The following IMMP2L variants were observed in gnomAD, a reference collection of about 807,000 sequenced individuals.
The protein encoded by IMMP2L is mitochondrial inner membrane protease subunit 2.
A neutral mutation model predicts 19.3 loss-of-function variants in IMMP2L; 18 were observed. The ratio of observed to expected loss-of-function variants is 0.93; its 90% CI spans 0.64 to 1.38. The LOEUF (loss-of-function observed/expected upper bound fraction) is 1.38. Ranked by LOEUF, IMMP2L falls within the 40% of genes most tolerant of loss-of-function variation. The pLI, the probability that IMMP2L is intolerant of heterozygous loss-of-function variation, is 0.00. For synonymous variants in IMMP2L, 76 were observed against 73.0 expected (o/e 1.04, Z -0.21); for missense variants, 233 against 218.2 (o/e 1.07, Z -0.43).
chr7:111,147,476 GGAAAAATATGA>G (rs1304083622), intron 3 of IMMP2L, among the ~76,000 whole-genome samples: 1 of 152,070 alleles, frequency 6.6e-6, no homozygotes, highest in Non-Finnish European at 1.5e-5. Context: ...CAACATGCAT[GGAAAAATATGA>G]GAACACCTGT....
intron 3 of IMMP2L, chr7:111,122,675 T>C (rs928789464): frequency 1.1e-6 from 1 of 944,604 alleles, no homozygotes; most frequent in Non-Finnish European, 1.6e-6. Context: ...ATTTGACAAA[T>C]GCAAGCATCT....
At chr7:111,267,788 T>C (rs891534154) in intron 3 of IMMP2L, among the ~76,000 whole-genome samples, 4 of 152,162 alleles carry the variant, frequency 2.6e-5, no homozygotes, top group African/African-American at 9.7e-5. Context: ...GCTGGATTAA[T>C]TAAAATATTA....
chr7:110,885,504 G>A (rs1400773826), intron 5 of IMMP2L, among the ~76,000 whole-genome samples: 4 of 151,450 alleles, frequency 2.6e-5, no homozygotes, highest in African/African-American at 9.7e-5. Context: ...CTATTGCAGG[G>A]ATTCATAAAT....
chr7:111,179,171 G>A (rs919948412), intron 3 of IMMP2L, among the ~76,000 whole-genome samples: 5 of 151,870 alleles, frequency 3.3e-5, no homozygotes, highest in African/African-American at 1.2e-4. Context: ...AGATGACCAT[G>A]TGCATTTTCA....
intron 4 of IMMP2L, among the ~76,000 whole-genome samples, chr7:110,916,174 A>C (rs531717344): frequency 6.6e-6 from 1 of 152,340 alleles, no homozygotes; most frequent in African/African-American, 2.4e-5. Flanking sequence ...AGTCATGCGA[A>C]AGTAACAGGA....
chr7:110,973,521 A>C lies in IMMP2L; in HGVS notation c.240-9956T>G, dbSNP rs757781449. On this transcript the variant is annotated intron_variant, in intron 3 of 5. Transcript: ENST00000405709. ...TGAGGCATGTGTTTTTCATAAAAAC[A>C]GTGAGTATGTTGAGGCTATAATTTC... 3.0e-4 allele frequency among the ~76,000 whole-genome samples: 46 copies of C among 152,268 alleles called. No individual in the cohort carries two copies. In the Middle Eastern group the frequency reaches 0.017, roughly 57 times the overall value.
intron 3 of IMMP2L, among the ~76,000 whole-genome samples, chr7:111,142,857 T>C (rs182942395): frequency 2.0e-5 from 3 of 152,342 alleles, no homozygotes; most frequent in East Asian, 3.9e-4. Context: ...AAAACTTTTA[T>C]TGTTGTCACT....
At chr7:111,183,897 G>A (rs1345708033) in intron 3 of IMMP2L, among the ~76,000 whole-genome samples, 3 of 151,946 alleles carry the variant, frequency 2.0e-5, no homozygotes, top group Non-Finnish European at 4.4e-5. Context: ...TTAAAACCCA[G>A]TTGTGCCAGT....
chr7:110,702,578 G>C (rs1172286470), intron 5 of IMMP2L, among the ~76,000 whole-genome samples: 1 of 151,916 alleles, frequency 6.6e-6, no homozygotes, highest in African/African-American at 2.4e-5. Flanking sequence ...AATTTATTTA[G>C]GTCTTTAATT....
At chr7:110,683,318 C>T (rs1422863330) in intron 5 of IMMP2L, among the ~76,000 whole-genome samples, 1 of 151,980 alleles carries the variant, frequency 6.6e-6, no homozygotes, top group African/African-American at 2.4e-5. Context: ...GAACATTTTG[C>T]TTTCAGAAGG....
chr7:110,923,965 A>G (rs1036597500), intron 4 of IMMP2L, among the ~76,000 whole-genome samples: 2 of 152,184 alleles, frequency 1.3e-5, no homozygotes, highest in Non-Finnish European at 2.9e-5. Flanking sequence ...ACTGATGCAC[A>G]GGGGAATAAA....
At chr7:111,214,165 T>C (rs1182299674) in intron 3 of IMMP2L, among the ~76,000 whole-genome samples, 1 of 152,108 alleles carries the variant, frequency 6.6e-6, no homozygotes, top group African/African-American at 2.4e-5. Flanking sequence ...CTCTTGCTTA[T>C]TTAGAAAATC....
chr7:111,382,323 A>G (rs17158542), intron 3 of IMMP2L, among the ~76,000 whole-genome samples: 3,974 of 151,492 alleles, frequency 0.026, 211 homozygotes, highest in African/African-American at 0.092. Flanking sequence ...ACATAATTTC[A>G]GAGAAGCATT....
At chr7:110,856,571 A>C (rs1444055471) in intron 5 of IMMP2L, among the ~76,000 whole-genome samples, 1 of 152,082 alleles carries the variant, frequency 6.6e-6, no homozygotes, top group Non-Finnish European at 1.5e-5. Flanking sequence ...AAAAGATAAA[A>C]AATTATATAA....
chr7:111,267,809 G>C (rs1010357064), intron 3 of IMMP2L, among the ~76,000 whole-genome samples: 5 of 151,982 alleles, frequency 3.3e-5, no homozygotes, highest in Non-Finnish European at 5.9e-5. Context: ...TTCCAGGATA[G>C]ACCACAAATT....
chr7:111,388,802 C>A (rs1832049208), intron 3 of IMMP2L, among the ~76,000 whole-genome samples: 1 of 152,050 alleles, frequency 6.6e-6, no homozygotes. Flanking sequence ...CCCCTGGGTC[C>A]CTCCCACAAC....
intron 2 of IMMP2L, among the ~76,000 whole-genome samples, chr7:111,503,678 A>G (rs1378728199): frequency 6.6e-6 from 1 of 152,174 alleles, no homozygotes; most frequent in East Asian, 1.9e-4. Context: ...ACACAAATCA[A>G]TAAATGTAAT....
intron 3 of IMMP2L, among the ~76,000 whole-genome samples, chr7:111,049,918 C>T (rs2129572679): frequency 6.6e-6 from 1 of 152,314 alleles, no homozygotes; most frequent in East Asian, 1.9e-4. Context: ...AAAAGAGCTA[C>T]TGGGAGATGC....
intron 4 of IMMP2L, among the ~76,000 whole-genome samples, chr7:110,940,318 CAA>C (rs3051992): frequency 0.51 from 65,559 of 127,408 alleles, 15,864 homozygotes; most frequent in Non-Finnish European, 0.61. Context: ...GACTCCATCT[CAA>C]AAAAAAAAAA....
Sources: allele counts gnomAD v4.1 joint callset (sites outside exome capture counted in the v4.1 genomes callset), GRCh38; gene constraint gnomAD v4.1.1; transcripts MANE v1.5; gene names NCBI Gene and HGNC (gene_info 2026-07-23, HGNC 2026-07-21).